The following LIN9 variants were observed in gnomAD, a reference collection of about 807,000 sequenced individuals.
LIN9 encodes the protein lin-9 DREAM MuvB core complex component.
LIN9 carries 18 observed loss-of-function variants against 78.0 expected under a neutral mutation model. That is an observed-to-expected ratio of 0.23 (90% CI 0.16 to 0.34). The LOEUF is 0.34. LIN9 is among the 10% of genes least tolerant of loss of function. The pLI, the probability that LIN9 is intolerant of heterozygous loss-of-function variation, is 1.00. For synonymous variants in LIN9, 192 were observed against 215.2 expected, an observed-to-expected ratio of 0.89 and a Z score of 0.94; for missense variants, 451 against 644.1, an observed-to-expected ratio of 0.70 and a Z score of 3.25.
intron 2 of LIN9, among the ~76,000 whole-genome samples, chr1:226,298,286 G>A (rs1662283846): frequency 6.6e-6 from 1 of 152,192 alleles, no homozygotes; most frequent in Admixed American, 6.5e-5. Flanking sequence ...TTGGCTCACT[G>A]CAACCTCTGC....
At chr1:226,290,427 A>G (rs925611053) in intron 4 of LIN9, among the ~76,000 whole-genome samples, 8 of 145,062 alleles carry the variant, frequency 5.5e-5, no homozygotes, top group African/African-American at 7.8e-5. Flanking sequence ...TGCAAGCTCC[A>G]CCTCCCGGGT....
At chr1:226,257,908 G>A (rs942644079) in intron 10 of LIN9, among the ~76,000 whole-genome samples, 20 of 152,174 alleles carry the variant, frequency 1.3e-4, no homozygotes, top group African/African-American at 4.6e-4. Flanking sequence ...TGAAGGCCAG[G>A]TGTGGTGGCT....
intron 2 of LIN9, among the ~76,000 whole-genome samples, chr1:226,298,251 C>T (rs758104577): frequency 6.6e-6 from 1 of 152,188 alleles, no homozygotes; most frequent in Non-Finnish European, 1.5e-5. Flanking sequence ...CTCCATCGCC[C>T]AGGCTGGAGT....
At chr1:226,285,255 A>T (rs950985311) in intron 6 of LIN9, among the ~76,000 whole-genome samples, 1 of 152,182 alleles carries the variant, frequency 6.6e-6, no homozygotes, top group Non-Finnish European at 1.5e-5. Context: ...TGATAGCAAA[A>T]AGTCACCAAA....
intron 7 of LIN9, among the ~76,000 whole-genome samples, chr1:226,268,971 CA>C (rs984720507): frequency 2.6e-5 from 4 of 152,216 alleles, no homozygotes; most frequent in African/African-American, 9.6e-5. Flanking sequence ...AGTGAATCAC[CA>C]AAACTAGTAG....
intron 9 of LIN9, 133 bp downstream of exon 9, chr1:226,266,074 CTATTTA>C: frequency 2.4e-6 from 1 of 423,512 alleles, no homozygotes; most frequent in Non-Finnish European, 4.1e-6. Flanking sequence ...GATGAAGCAA[CTATTTA>C]TTTTATTTAA....
At chr1:226,261,626 CTAAA>C (rs769176785) in intron 10 of LIN9, among the ~76,000 whole-genome samples, 4 of 152,068 alleles carry the variant, frequency 2.6e-5, no homozygotes, top group African/African-American at 4.8e-5. Context: ...AATCAAAGAA[CTAAA>C]TAAATAAGAG....
At chr1:226,309,291 G>A (rs560419725), upstream of LIN9, 339 of 1,070,860 alleles carry the variant, frequency 3.2e-4, 4 homozygotes, top group East Asian at 0.019. Flanking sequence ...GGCGGGCCCG[G>A]CTCCGCCCGC....
intron 6 of LIN9, among the ~76,000 whole-genome samples, chr1:226,278,682 G>A (rs1024718837): frequency 6.6e-6 from 1 of 151,208 alleles, no homozygotes; most frequent in Non-Finnish European, 1.5e-5. Context: ...AAATTAGACA[G>A]GCGTGGTGGC....
intron 5 of LIN9, 51 bp from the exon 6 acceptor site, chr1:226,286,509 T>G: frequency 7.4e-7 from 1 of 1,360,064 alleles, no homozygotes; most frequent in African/African-American, 1.5e-5. Context: ...TGTTACTTTC[T>G]TAAAACACAT....
intron 7 of LIN9, among the ~76,000 whole-genome samples, chr1:226,268,676 A>G (rs1421676626): frequency 6.6e-6 from 1 of 152,216 alleles, no homozygotes; most frequent in Non-Finnish European, 1.5e-5. Flanking sequence ...TTTAGTATGT[A>G]CTAGGCAAAA....
rs779896381 is a variant in LIN9, at chr1:226,293,295, T to TA, written c.264+2546dup. Reference sequence around the variant, plus strand: ...TATTGCTCAGAATTCTCTGTATTGCTAAAAAGGGCTCTGTAAAATAGTCCA... The same window carrying TA: ...TATTGCTCAGAATTCTCTGTATTGCTAAAAAAGGGCTCTGTAAAATAGTCCA... On this transcript the variant is annotated intron_variant, in intron 4 of 14. Transcript: ENST00000681046. 5.1e-4 allele frequency among the ~76,000 whole-genome samples: 78 copies of TA among 152,298 alleles called. 1 individual carries two copies. The highest frequency in any genetic ancestry group is 3.4e-4 in the Non-Finnish European group (23 of 68,020).
At chr1:226,262,929 C>G (rs991904300) in intron 10 of LIN9, among the ~76,000 whole-genome samples, 3 of 152,082 alleles carry the variant, frequency 2.0e-5, no homozygotes, top group Non-Finnish European at 4.4e-5. Context: ...TGTGGTACAT[C>G]CCGACAATGT....
At chr1:226,268,269 A>G (rs1182521446) in intron 7 of LIN9, among the ~76,000 whole-genome samples, 179 bp from the exon 8 acceptor site, 5 of 152,232 alleles carry the variant, frequency 3.3e-5, no homozygotes, top group Non-Finnish European at 7.3e-5. Flanking sequence ...AAACAAAAAC[A>G]AAAACTATAA....
At chr1:226,240,245 TTTG>T (rs898394472) in intron 11 of LIN9, among the ~76,000 whole-genome samples, 10 of 152,146 alleles carry the variant, frequency 6.6e-5, no homozygotes, top group African/African-American at 1.4e-4. Context: ...TAAGAGTGGT[TTTG>T]TTGTTGTTGT....
intron 12 of LIN9, among the ~76,000 whole-genome samples, chr1:226,237,796 C>CA (rs1210897391): frequency 6.7e-6 from 1 of 150,036 alleles, no homozygotes; most frequent in Non-Finnish European, 1.5e-5. Flanking sequence ...ACTAAAAATA[C>CA]AAAAAAATTA....
chr1:226,286,205 C>T, intron 6 of LIN9, 128 bp downstream of exon 6: 3 of 876,138 alleles, frequency 3.4e-6, no homozygotes. Context: ...TCACAGCATA[C>T]TACAGCCCTG....
intron 6 of LIN9, among the ~76,000 whole-genome samples, chr1:226,281,889 T>C (rs896955705): frequency 3.3e-5 from 5 of 152,114 alleles, no homozygotes; most frequent in African/African-American, 1.2e-4. Flanking sequence ...AGACGGGGTT[T>C]CACCATATTG....
intron 2 of LIN9, among the ~76,000 whole-genome samples, chr1:226,298,992 G>A (rs913334895): frequency 1.3e-5 from 2 of 151,962 alleles, no homozygotes; most frequent in Non-Finnish European, 2.9e-5. Flanking sequence ...GAATTCTATC[G>A]AATAGACATA....
Sources: gnomAD v4.1 joint callset for allele counts (sites outside exome capture counted in the v4.1 genomes callset) on GRCh38, gnomAD v4.1.1 for gene constraint, MANE v1.5 for transcripts, NCBI Gene and HGNC (gene_info 2026-07-23, HGNC 2026-07-21) for gene names.